The following RRAGB variants were observed in gnomAD, a reference collection of about 807,000 sequenced individuals.
RRAGB encodes the protein ras-related GTP-binding protein B.
Under a neutral mutation model 29.3 loss-of-function variants are expected in RRAGB, and 6 were observed. That is an observed-to-expected ratio of 0.21 (90% CI 0.11 to 0.40). RRAGB has a LOEUF of 0.40. Ranked by LOEUF, RRAGB falls within the 10% of genes least tolerant of loss-of-function variation. RRAGB has a pLI of 1.00. For missense variants in RRAGB, 184 were observed against 272.9 expected, an observed-to-expected ratio of 0.67 and a Z score of 2.29; for synonymous variants, 101 against 92.5, an observed-to-expected ratio of 1.09 and a Z score of -0.53.
chrX:55,730,313 A>G (rs1393093289), intron 4 of RRAGB, among the ~76,000 whole-genome samples: 4 of 112,291 alleles, frequency 3.6e-5, no homozygotes, highest in Non-Finnish European at 5.6e-5. Flanking sequence ...ATCTCCATAC[A>G]AATCCTTCCT....
rs142345217 is a variant in RRAGB, at chrX:55,728,108, A to G, written c.227-1186A>G. On this transcript the variant is annotated intron_variant, in intron 3 of 9. Transcript: ENST00000374941. ...CTCAGAGGTCGCAAACAGGCAGCCT[A>G]TATCCTGGATAAGGCCTGTAGATGT... Among the ~76,000 whole-genome samples, 4 of 111,677 alleles carry G rather than the reference A, an allele frequency of 3.6e-5. No homozygotes were observed. The East Asian group carries it at 8.4e-4, about 24-fold the overall frequency.
intron 7 of RRAGB, chrX:55,755,284 TA>T: frequency 1.3e-6 from 1 of 752,746 alleles, no homozygotes; most frequent in Non-Finnish European, 1.6e-6. Flanking sequence ...TGTGTGGTTT[TA>T]TTAAAATCTG....
At chrX:55,748,003 C>G (rs1322306583) in intron 5 of RRAGB, among the ~76,000 whole-genome samples, 10 of 112,562 alleles carry the variant, frequency 8.9e-5, no homozygotes, top group African/African-American at 3.2e-4. Flanking sequence ...GAGTGCCTGC[C>G]ATTGCAGGCG....
chrX:55,727,541 G>A (rs1464575097), intron 3 of RRAGB: 15 of 370,674 alleles, frequency 4.0e-5, no homozygotes, highest in Middle Eastern at 1.2e-3. Flanking sequence ...CCGCCCCCCC[G>A]CTTTCTTTTT....
At chrX:55,748,525 G>A (rs749335266) in intron 5 of RRAGB, among the ~76,000 whole-genome samples, 20 of 110,490 alleles carry the variant, frequency 1.8e-4, no homozygotes, top group Non-Finnish European at 2.3e-4. Flanking sequence ...CCGCCACCCC[G>A]TCTGGGATGT....
chrX:55,731,727 T>G (rs1452505879), intron 5 of RRAGB, 141 bp downstream of exon 5: 10 of 427,891 alleles, frequency 2.3e-5, no homozygotes, highest in Non-Finnish European at 3.6e-5. Context: ...GTCATTTACT[T>G]TAACTAAACA....
At chrX:55,751,307 G>A in intron 6 of RRAGB, 111 bp downstream of exon 6, 1 of 415,195 alleles carries the variant, frequency 2.4e-6, no homozygotes, top group Non-Finnish European at 4.0e-6. Flanking sequence ...TAGATTTGTT[G>A]TACTAAAAAG....
chrX:55,755,983 C>T, intron 8 of RRAGB, 51 bp downstream of exon 8: 1 of 874,208 alleles, frequency 1.1e-6, no homozygotes, highest in Admixed American at 2.4e-5. Context: ...AAATTATTGT[C>T]ATTTTTTAGA....
At chrX:55,728,847 T>G (rs1468015184) in intron 3 of RRAGB, among the ~76,000 whole-genome samples, 1 of 110,565 alleles carries the variant, frequency 9.0e-6, no homozygotes, top group East Asian at 2.8e-4. Flanking sequence ...TGGGAAAAAG[T>G]TAGGGTCATT....
intron 7 of RRAGB, among the ~76,000 whole-genome samples, chrX:55,754,162 C>T (rs1470465270): frequency 1.8e-5 from 2 of 112,884 alleles, no homozygotes; most frequent in Non-Finnish European, 3.7e-5. Context: ...TGAGAAAACT[C>T]ACATCCTATC....
chrX:55,744,451 A>G (rs1317385376), intron 5 of RRAGB, among the ~76,000 whole-genome samples: 4 of 102,303 alleles, frequency 3.9e-5, no homozygotes, highest in Non-Finnish European at 7.9e-5. Flanking sequence ...TTACTTGTTC[A>G]TCCAAGGCCT....
At chrX:55,757,391 A>G (rs201814021) in intron 9 of RRAGB, 60 bp downstream of exon 9, 16 of 645,174 alleles carry the variant, frequency 2.5e-5, no homozygotes, top group South Asian at 1.1e-4. Context: ...CAATTGTCCC[A>G]GAGGTAGTAC....
chrX:55,735,591 C>T (rs1486954199), intron 5 of RRAGB, among the ~76,000 whole-genome samples: 2 of 111,848 alleles, frequency 1.8e-5, no homozygotes, highest in African/African-American at 6.5e-5. Flanking sequence ...TTTTAAGTGG[C>T]ACATTTAGAC....
At position 55,751,107 on chromosome X, in the gene RRAGB, A is replaced by G. The variant is rs2034511128; in HGVS notation, c.523A>G (p.Lys175Glu). The G allele has an allele frequency of 8.5e-7, 1 of 1,173,722 alleles. No individual in the cohort carries two copies. Among genetic ancestry groups the G allele is most frequent in the Non-Finnish European group, 1.2e-6 (1 of 863,274 alleles). The stretch of plus-strand genomic sequence containing the variant: ...GTTGGGCTTTTTAATTTAGATTTTT[A>G]AAGAGCGAGAAGAAGATTTGAGGCG... ...VQEDQRDLIF[K>E]EREEDLRRLS... Residue 175 changes from lysine to glutamate, a missense_variant, in exon 6 of 10, where the codon AAA (lysine) becomes GAA (glutamate). By Grantham distance (56) the Lys-to-Glu change is moderately conservative. Transcript: ENST00000374941.
intron 2 of RRAGB, 28 bp downstream of exon 2, chrX:55,719,375 A>G: frequency 1.8e-6 from 2 of 1,121,131 alleles, no homozygotes; most frequent in South Asian, 4.2e-5. Context: ...CGTCAAAACC[A>G]TGAAGGTAAA....
intron 5 of RRAGB, among the ~76,000 whole-genome samples, chrX:55,739,540 C>T (rs370658384): frequency 5.6e-4 from 63 of 112,174 alleles, no homozygotes; most frequent in African/African-American, 2.0e-3. Context: ...AGGTGCTCCC[C>T]TGTGGCCTGG....
intron 5 of RRAGB, among the ~76,000 whole-genome samples, chrX:55,745,847 G>C (rs1283640308): frequency 8.9e-6 from 1 of 111,934 alleles, no homozygotes; most frequent in Non-Finnish European, 1.9e-5. Flanking sequence ...CAAGAAGGTT[G>C]CAAGGACCCA....
intron 9 of RRAGB, 129 bp from the exon 10 acceptor site, chrX:55,758,117 C>T: frequency 5.5e-6 from 2 of 366,279 alleles, no homozygotes; most frequent in Admixed American, 9.8e-5. Context: ...CTTGGGACCT[C>T]CTATTCCTGT....
At position 55,745,160 on chromosome X, in the gene RRAGB, G is replaced by A. The variant is rs1171762192; in HGVS notation, c.517-5941G>A. Among the ~76,000 whole-genome samples the A allele has an allele frequency of 4.5e-5, 5 of 112,214 alleles. No homozygotes were observed. The South Asian group carries it at 1.5e-3, about 33-fold the overall frequency. On this transcript the variant is annotated intron_variant, in intron 5 of 9. Transcript: ENST00000374941. ...AAGTCTAATGTAGTTGTTGCTTCTC[G>A]CTCATTAGGTCCAATCAGCATAATG...
Sources: gnomAD v4.1 joint callset for allele counts (sites outside exome capture counted in the v4.1 genomes callset) on GRCh38, gnomAD v4.1.1 for gene constraint, MANE v1.5 for transcripts, NCBI Gene and HGNC (gene_info 2026-07-23, HGNC 2026-07-21) for gene names.